The following TENM4 variants were observed in gnomAD, a reference collection of about 807,000 sequenced individuals.
The protein encoded by TENM4 is teneurin-4.
In TENM4, 82 loss-of-function variants were observed where a neutral mutation model predicts 243.3. The observed-to-expected ratio is 0.34, with a 90% CI of 0.28 to 0.40. The LOEUF (loss-of-function observed/expected upper bound fraction) is 0.40. Among genes scored for constraint, TENM4 ranks in the 10% least tolerant of loss-of-function variants. The probability of loss-of-function intolerance (pLI) is 1.00; values close to 1 mark genes in which losing one functional copy is unlikely to be tolerated. For synonymous variants in TENM4, 1,412 were observed against 1,456.3 expected, an observed-to-expected ratio of 0.97 and a Z score of 0.69; for missense variants, 3,138 against 3,673.3, an observed-to-expected ratio of 0.85 and a Z score of 3.77.
chr11:78,955,729 A>G (rs1857197006), intron 6 of TENM4, among the ~76,000 whole-genome samples: 1 of 152,306 alleles, frequency 6.6e-6, no homozygotes, highest in Non-Finnish European at 1.5e-5. Context: ...TTATTTTGCA[A>G]GGTCAGGAAG....
intron 18 of TENM4, among the ~76,000 whole-genome samples, chr11:78,770,734 C>G (rs530520929): frequency 1.3e-5 from 2 of 152,358 alleles, no homozygotes; most frequent in South Asian, 4.1e-4. Flanking sequence ...CTCTTTCTTC[C>G]ATATGCCTTC....
intron 29 of TENM4, among the ~76,000 whole-genome samples, chr11:78,685,496 T>C (rs1257647283): frequency 6.6e-6 from 1 of 152,236 alleles, no homozygotes; most frequent in Non-Finnish European, 1.5e-5. Context: ...TCTTTTCATA[T>C]TTTAATGTTT....
intron 1 of TENM4, among the ~76,000 whole-genome samples, chr11:79,408,744 G>C (rs1256807235): frequency 6.6e-6 from 1 of 152,110 alleles, no homozygotes; most frequent in African/African-American, 2.4e-5. Flanking sequence ...AAAGATGTTA[G>C]AAAATGGTGG....
intron 9 of TENM4, among the ~76,000 whole-genome samples, chr11:78,879,804 G>A (rs370845279): frequency 1.3e-4 from 20 of 151,296 alleles, no homozygotes; most frequent in Non-Finnish European, 2.4e-4. Flanking sequence ...GCCTCTGCCC[G>A]GACACCACCC....
At chr11:79,335,512 G>T (rs951328375) in intron 1 of TENM4, among the ~76,000 whole-genome samples, 1 of 152,154 alleles carries the variant, frequency 6.6e-6, no homozygotes, top group African/African-American at 2.4e-5. Context: ...CAATTTTTTT[G>T]CATCAATTTC....
At chr11:78,965,341 C>A (rs1051339418) in intron 6 of TENM4, among the ~76,000 whole-genome samples, 1 of 152,094 alleles carries the variant, frequency 6.6e-6, no homozygotes, top group Non-Finnish European at 1.5e-5. Context: ...ACTCCCCCTA[C>A]GGTTCCAGTT....
At chr11:78,709,265 C>T (rs78866531) in intron 26 of TENM4, among the ~76,000 whole-genome samples, 2,747 of 151,958 alleles carry the variant, frequency 0.018, 93 homozygotes, top group African/African-American at 0.063. Context: ...ATGCCCGGCC[C>T]GTCCTTCATG....
chr11:79,286,731 G>A (rs1451680505), intron 2 of TENM4, among the ~76,000 whole-genome samples: 3 of 152,052 alleles, frequency 2.0e-5, no homozygotes, highest in African/African-American at 7.2e-5. Context: ...ACTGGCGTGA[G>A]GATTACATAA....
intron 25 of TENM4, among the ~76,000 whole-genome samples, chr11:78,714,865 C>T (rs560750712): frequency 6.6e-6 from 1 of 152,324 alleles, no homozygotes; most frequent in South Asian, 2.1e-4. Context: ...TCTCCCCGTG[C>T]ATGGAGATTT....
At chr11:79,386,126 C>T (rs145331617) in intron 1 of TENM4, among the ~76,000 whole-genome samples, 15 of 152,262 alleles carry the variant, frequency 9.9e-5, no homozygotes, top group African/African-American at 3.4e-4. Flanking sequence ...TGATCAGCCA[C>T]CTGATCTATG....
chr11:78,761,146 C>T (rs559031950), intron 18 of TENM4, among the ~76,000 whole-genome samples: 102 of 152,130 alleles, frequency 6.7e-4, no homozygotes, highest in African/African-American at 2.2e-3. Flanking sequence ...TCATTTCCTA[C>T]GTGTTCTATG....
chr11:79,198,108 A>G (rs1194364801), intron 3 of TENM4, among the ~76,000 whole-genome samples: 1 of 152,258 alleles, frequency 6.6e-6, no homozygotes, highest in Non-Finnish European at 1.5e-5. Flanking sequence ...TACTCAACAA[A>G]TAAATAGTAA....
chr11:78,926,070 C>T (rs561482399), intron 6 of TENM4, among the ~76,000 whole-genome samples: 10 of 151,682 alleles, frequency 6.6e-5, no homozygotes, highest in South Asian at 4.2e-4. Context: ...GGAGGGAAAA[C>T]GAGAGAGAAG....
In TENM4 at chr11:78,720,355, C is replaced by T. The variant is rs745595285; in HGVS notation, c.3821+15G>A. On this transcript the variant is annotated intron_variant, in intron 25 of 33. Coordinates refer to ENST00000278550, the MANE Select transcript of TENM4 (RefSeq NM_001098816.3). ...GGCAGGGGTGAGGCAGGAAATTCTC[C>T]ACTGGTTGGCTTACCTATGTCTGAA... 2 of 1,613,908 alleles carry T rather than the reference C, an allele frequency of 1.2e-6. No homozygotes were observed. The highest frequency in any genetic ancestry group is 1.3e-5 in the African/African-American group (1 of 75,038).
intron 4 of TENM4, among the ~76,000 whole-genome samples, chr11:79,144,452 C>T (rs533285721): frequency 6.6e-6 from 1 of 152,100 alleles, no homozygotes; most frequent in East Asian, 1.9e-4. Context: ...GAAAGGAAAT[C>T]AGTATATTGA....
chr11:79,349,443 T>C (rs1857379778), intron 1 of TENM4, among the ~76,000 whole-genome samples: 1 of 152,224 alleles, frequency 6.6e-6, no homozygotes, highest in South Asian at 2.1e-4. Flanking sequence ...CCTTTGTGGT[T>C]TGCAAAGCAC....
At chr11:79,403,259 A>G (rs1858499407) in intron 1 of TENM4, among the ~76,000 whole-genome samples, 1 of 152,256 alleles carries the variant, frequency 6.6e-6, no homozygotes, top group African/African-American at 2.4e-5. Context: ...TGTCGCCATG[A>G]CTAAATGGGA....
chr11:78,796,779 T>C (rs920007972), intron 15 of TENM4, among the ~76,000 whole-genome samples: 2 of 152,218 alleles, frequency 1.3e-5, no homozygotes, highest in Non-Finnish European at 2.9e-5. Flanking sequence ...TCATCTTTCC[T>C]AGAAAATGCC....
intron 28 of TENM4, among the ~76,000 whole-genome samples, chr11:78,700,365 A>G (rs1196464953): frequency 6.6e-6 from 1 of 152,282 alleles, no homozygotes; most frequent in Admixed American, 6.5e-5. Context: ...CTCAGTTTCT[A>G]TGTCTGTAAA....
Sources: gnomAD v4.1 joint callset for allele counts (sites outside exome capture counted in the v4.1 genomes callset) on GRCh38, gnomAD v4.1.1 for gene constraint, MANE v1.5 for transcripts, NCBI Gene and HGNC (gene_info 2026-07-23, HGNC 2026-07-21) for gene names.